Variants in MGAT4C observed in about 807,000 individuals in gnomAD.
MGAT4C encodes the protein alpha-1,3-mannosyl-glycoprotein 4-beta-N-acetylglucosaminyltransferase C.
In MGAT4C, 19 loss-of-function variants were observed where a neutral mutation model predicts 40.1. The ratio of observed to expected loss-of-function variants is 0.47; its 90% confidence interval spans 0.33 to 0.70. The LOEUF (loss-of-function observed/expected upper bound fraction) is 0.70. Among genes scored for constraint, MGAT4C ranks in the 30% least tolerant of loss-of-function variants. The pLI is 0.02. For missense variants in MGAT4C, 491 were observed against 563.2 expected (o/e 0.87, Z 1.30); for synonymous variants, 181 against 187.1 (o/e 0.97, Z 0.27).
At chr12:86,373,562 T>G (rs1186256769) in intron 3 of MGAT4C, among the ~76,000 whole-genome samples, 1 of 151,902 alleles carries the variant, frequency 6.6e-6, no homozygotes, top group Admixed American at 6.6e-5. Context: ...CAGAGCAGAT[T>G]AAAGAAGAAA....
chr12:86,612,095 C>T (rs1464708481), intron 2 of MGAT4C, among the ~76,000 whole-genome samples: 1 of 152,102 alleles, frequency 6.6e-6, no homozygotes, highest in East Asian at 1.9e-4. Flanking sequence ...CCTGGGACCT[C>T]TACCTATTTG....
chr12:86,618,241 T>C (rs1334353292), intron 2 of MGAT4C, among the ~76,000 whole-genome samples: 8 of 152,216 alleles, frequency 5.3e-5, no homozygotes, highest in African/African-American at 1.7e-4. Context: ...TGAAAATTAG[T>C]ATAGCCATTC....
chr12:86,461,458 G>T (rs1467259713), intron 2 of MGAT4C, among the ~76,000 whole-genome samples: 1 of 151,864 alleles, frequency 6.6e-6, no homozygotes, highest in Non-Finnish European at 1.5e-5. Flanking sequence ...TGTTAGCCAG[G>T]ATGGTCTCGA....
At chr12:86,246,786 T>A (rs1438945353) in intron 1 of MGAT4C, among the ~76,000 whole-genome samples, 1 of 152,212 alleles carries the variant, frequency 6.6e-6, no homozygotes, top group African/African-American at 2.4e-5. Flanking sequence ...TGCTTGAACA[T>A]GACTTCAACT....
intron 4 of MGAT4C, among the ~76,000 whole-genome samples, chr12:86,295,374 C>G (rs1472308030): frequency 6.6e-6 from 1 of 152,152 alleles, no homozygotes; most frequent in Admixed American, 6.6e-5. Context: ...CAGACCCTCG[C>G]GGTGAGTGTT....
At chr12:86,248,214 C>CCTTT (rs1403709973) in intron 1 of MGAT4C, among the ~76,000 whole-genome samples, 1 of 145,016 alleles carries the variant, frequency 6.9e-6, no homozygotes, top group Non-Finnish European at 1.5e-5. Flanking sequence ...TTCCTTCCTT[C>CCTTT]CTTCCTTCCT....
intron 2 of MGAT4C, among the ~76,000 whole-genome samples, chr12:86,484,691 C>T (rs1387758185): frequency 6.6e-6 from 1 of 152,170 alleles, no homozygotes; most frequent in South Asian, 2.1e-4. Flanking sequence ...TGGCTCCAAT[C>T]ACAGGGCTGG....
intron 2 of MGAT4C, among the ~76,000 whole-genome samples, chr12:86,598,333 TAAAGA>T (rs1344928461): frequency 1.3e-5 from 2 of 152,022 alleles, no homozygotes; most frequent in African/African-American, 2.4e-5. Context: ...CATTGAAAAA[TAAAGA>T]AAACATTAAA....
chr12:86,066,691 A>C (rs927866641), intron 1 of MGAT4C, among the ~76,000 whole-genome samples: 1 of 151,078 alleles, frequency 6.6e-6, no homozygotes, highest in Non-Finnish European at 1.5e-5. Context: ...AATGGCAACA[A>C]AAGTCAAAAT....
chr12:86,800,699 G>A (rs552336927), intron 1 of MGAT4C, among the ~76,000 whole-genome samples: 46 of 151,922 alleles, frequency 3.0e-4, no homozygotes, highest in Non-Finnish European at 5.2e-4. Flanking sequence ...CCAAGATACT[G>A]GGAGGAAAGT....
chr12:86,040,644 G>T (rs1448097270), intron 2 of MGAT4C, among the ~76,000 whole-genome samples: 2 of 151,788 alleles, frequency 1.3e-5, no homozygotes, highest in Non-Finnish European at 3.0e-5. Flanking sequence ...TGGCTCCCTG[G>T]CTTCAGCCCC....
intron 3 of MGAT4C, among the ~76,000 whole-genome samples, chr12:86,354,951 G>T (rs1002253690): frequency 3.9e-5 from 6 of 152,188 alleles, no homozygotes; most frequent in Non-Finnish European, 7.3e-5. Flanking sequence ...GAACCCAAGG[G>T]GGGTGCCACT....
chr12:86,632,768 G>A (rs956328104), intron 2 of MGAT4C, among the ~76,000 whole-genome samples: 2 of 143,684 alleles, frequency 1.4e-5, no homozygotes, highest in African/African-American at 2.6e-5. Flanking sequence ...GGGGTGGGGG[G>A]ATGGGGGAGG....
At chr12:86,011,638 G>A (rs1370383144) in intron 2 of MGAT4C, among the ~76,000 whole-genome samples, 1 of 152,134 alleles carries the variant, frequency 6.6e-6, no homozygotes, top group African/African-American at 2.4e-5. Context: ...GTAGGATAGG[G>A]CCAATAGGTA....
intron 2 of MGAT4C, among the ~76,000 whole-genome samples, chr12:86,621,357 A>G (rs1394944101): frequency 6.6e-6 from 1 of 152,204 alleles, no homozygotes; most frequent in African/African-American, 2.4e-5. Flanking sequence ...TGCACAGGAC[A>G]CTGATTCCTG....
chr12:86,247,371 A>G (rs1952081138), intron 1 of MGAT4C, among the ~76,000 whole-genome samples: 1 of 152,064 alleles, frequency 6.6e-6, no homozygotes, highest in African/African-American at 2.4e-5. Flanking sequence ...TCACTTGACC[A>G]TATATATCTA....
intron 1 of MGAT4C, among the ~76,000 whole-genome samples, chr12:86,238,365 A>C (rs1317826992): frequency 6.6e-6 from 1 of 152,040 alleles, no homozygotes; most frequent in Non-Finnish European, 1.5e-5. Flanking sequence ...TAATTTTCTT[A>C]TACTATCTGA....
intron 1 of MGAT4C, among the ~76,000 whole-genome samples, chr12:86,132,499 G>T (rs191944830): frequency 6.6e-6 from 1 of 152,082 alleles, no homozygotes; most frequent in Admixed American, 6.5e-5. Context: ...TAAAACACAA[G>T]TGAAAAACTG....
chr12:85,998,187 G>T (rs138821876), intron 2 of MGAT4C, among the ~76,000 whole-genome samples: 3,851 of 152,296 alleles, frequency 0.025, 73 homozygotes, highest in South Asian at 0.067. Context: ...GTCCCTTTCA[G>T]CCATGGCTAG....
Sources: gnomAD v4.1 joint callset for allele counts (sites outside exome capture counted in the v4.1 genomes callset) on GRCh38, gnomAD v4.1.1 for gene constraint, MANE v1.5 for transcripts, NCBI Gene and HGNC (gene_info 2026-07-23, HGNC 2026-07-21) for gene names.